The following SULF1 variants were observed in gnomAD, a reference collection of about 807,000 sequenced individuals.
The protein encoded by SULF1 is sulfatase 1, also known as extracellular sulfatase Sulf-1.
SULF1 carries 46 observed loss-of-function variants against 110.5 expected under a neutral mutation model. That is an observed-to-expected ratio of 0.42 (90% CI 0.33 to 0.53). SULF1 has a LOEUF of 0.53. SULF1 is among the 20% of genes least tolerant of loss of function. The pLI, the probability that SULF1 is intolerant of heterozygous loss-of-function variation, is 0.12. For synonymous variants in SULF1, 371 were observed against 387.1 expected, an observed-to-expected ratio of 0.96 and a Z score of 0.49; for missense variants, 941 against 1,094.2, an observed-to-expected ratio of 0.86 and a Z score of 1.98.
intron 1 of SULF1, among the ~76,000 whole-genome samples, chr8:69,479,231 A>T (rs1809420318): frequency 6.6e-6 from 1 of 152,190 alleles, no homozygotes; most frequent in Non-Finnish European, 1.5e-5. Flanking sequence ...TTATCAATTA[A>T]TTTCTCTTGA....
At chr8:69,620,571 C>A (rs1374350489) in intron 13 of SULF1, among the ~76,000 whole-genome samples, 1 of 152,232 alleles carries the variant, frequency 6.6e-6, no homozygotes, top group African/African-American at 2.4e-5. Context: ...TTAAATTCAT[C>A]TCTGTCTTCC....
chr8:69,649,833 AT>A (rs1248694568), intron 22 of SULF1, among the ~76,000 whole-genome samples: 18 of 151,396 alleles, frequency 1.2e-4, no homozygotes, highest in Non-Finnish European at 1.0e-4. Context: ...AGCCACTATA[AT>A]TTTTTTCTTT....
chr8:69,563,827 G>C lies in SULF1; in HGVS notation c.-60-89G>C, dbSNP rs1815677987. ...CTCTGCCAGCTTATGTGCCAATACT[G>C]ACTTATTTGTAGCCCTTTCTCTGCA... On this transcript the variant is annotated intron_variant, in intron 4 of 22. Transcript: ENST00000402687. 3 of 734,192 alleles carry C rather than the reference G, an allele frequency of 4.1e-6. No homozygotes were observed. The South Asian group carries it at 5.6e-5, about 14-fold the overall frequency. The allele number at this position is 734,192 out of a possible 1,614,324, so 45.5% of individuals were successfully genotyped here.
In SULF1 at chr8:69,598,581, G is replaced by A. The variant is rs1221733569; in HGVS notation, c.735-2022G>A. Among the ~76,000 whole-genome samples the A allele has an allele frequency of 5.9e-5, 9 of 152,126 alleles. 1 individual carries two copies. Among genetic ancestry groups the A allele is most frequent in the South Asian group, 2.1e-4 (1 of 4,828 alleles). ...TAATTTTTGTATTTTTAGTAGAGAC[G>A]GGGTTTCCCCATGTTGGCCAGGCTG... is the stretch of plus-strand genomic sequence containing the variant. On this transcript the variant is annotated intron_variant, in intron 8 of 22. Transcript: ENST00000402687.
At chr8:69,630,918 T>C (rs570524595) in intron 19 of SULF1, among the ~76,000 whole-genome samples, 14 of 152,184 alleles carry the variant, frequency 9.2e-5, no homozygotes, top group African/African-American at 2.9e-4. Flanking sequence ...GCTGCACCCA[T>C]TAACTCGTCA....
intron 2 of SULF1, among the ~76,000 whole-genome samples, chr8:69,498,970 C>T (rs1027610873): frequency 6.6e-6 from 1 of 152,160 alleles, no homozygotes; most frequent in Non-Finnish European, 1.5e-5. Flanking sequence ...GCCATCCTCC[C>T]ACCTAAGCCT....
rs541129151 is a variant in SULF1 at position 69,472,415 on chromosome 8, G to A, written c.-391+5465G>A. Among the ~76,000 whole-genome samples, 7 of 152,308 alleles carry A rather than the reference G, an allele frequency of 4.6e-5. No homozygotes were observed. In the South Asian group the frequency reaches 1.2e-3, roughly 27 times the overall value. On this transcript the variant is annotated intron_variant, in intron 1 of 22. Coordinates refer to the SULF1 transcript ENST00000260128. Reference sequence around the variant, plus strand: ...TTAACAAAAAAGCTGAAAGCAATCAGCTTGAGCCCCTTACCATTCCCAAAC... The same window carrying A: ...TTAACAAAAAAGCTGAAAGCAATCAACTTGAGCCCCTTACCATTCCCAAAC...
At chr8:69,573,514 AT>A (rs1490522713) in intron 5 of SULF1, among the ~76,000 whole-genome samples, 1 of 152,186 alleles carries the variant, frequency 6.6e-6, no homozygotes, top group Non-Finnish European at 1.5e-5. Context: ...TTTTATTTGA[AT>A]TCTGCTAAGG....
intron 5 of SULF1, among the ~76,000 whole-genome samples, chr8:69,566,506 A>G (rs1227524555): frequency 6.6e-6 from 1 of 152,176 alleles, no homozygotes; most frequent in African/African-American, 2.4e-5. Context: ...TATTTCCTAC[A>G]TATTTGCCTT....
intron 13 of SULF1, among the ~76,000 whole-genome samples, chr8:69,613,896 C>T (rs1031440740): frequency 2.0e-5 from 3 of 151,842 alleles, no homozygotes; most frequent in Non-Finnish European, 2.9e-5. Context: ...ATTATTTTAT[C>T]GGATGTGGAA....
chr8:69,510,945 TACACACACACAC>T (rs56386460), intron 3 of SULF1, among the ~76,000 whole-genome samples: 16 of 141,144 alleles, frequency 1.1e-4, no homozygotes, highest in Non-Finnish European at 1.5e-4. Context: ...ATATCATCAT[TACACACACACAC>T]ACACACACAC....
chr8:69,532,832 C>T (rs920242918), intron 3 of SULF1, among the ~76,000 whole-genome samples: 1 of 152,344 alleles, frequency 6.6e-6, no homozygotes, highest in African/African-American at 2.4e-5. Flanking sequence ...TCCCATCCTT[C>T]TCTCCCTCCT....
At chr8:69,634,149 C>T (rs1810797817) in intron 19 of SULF1, among the ~76,000 whole-genome samples, 1 of 152,094 alleles carries the variant, frequency 6.6e-6, no homozygotes. Context: ...TTGATCTAAT[C>T]TGGTTCATTC....
At chr8:69,542,708 A>C (rs1296945030) in intron 3 of SULF1, among the ~76,000 whole-genome samples, 1 of 152,216 alleles carries the variant, frequency 6.6e-6, no homozygotes, top group Non-Finnish European at 1.5e-5. Context: ...TCTGAAGTCC[A>C]TTCGTGATTC....
At chr8:69,632,651 C>G (rs1052922011) in intron 19 of SULF1, among the ~76,000 whole-genome samples, 9 of 152,018 alleles carry the variant, frequency 5.9e-5, no homozygotes, top group African/African-American at 2.2e-4. Context: ...ATTATGTACC[C>G]ATATCAATTT....
intron 5 of SULF1, among the ~76,000 whole-genome samples, chr8:69,572,396 A>G (rs1032363315): frequency 6.6e-5 from 10 of 152,190 alleles, no homozygotes; most frequent in Non-Finnish European, 1.5e-4. Context: ...CACCCACCAC[A>G]AAGGATTATT....
intron 3 of SULF1, among the ~76,000 whole-genome samples, chr8:69,555,291 C>A (rs1355081097): frequency 3.3e-5 from 5 of 152,100 alleles, no homozygotes; most frequent in African/African-American, 1.2e-4. Context: ...AACTTGTTTC[C>A]CCACTCTGCT....
chr8:69,477,314 A>G (rs1233350226), intron 1 of SULF1, among the ~76,000 whole-genome samples: 1 of 152,208 alleles, frequency 6.6e-6, no homozygotes, highest in East Asian at 1.9e-4. Context: ...AGCAATTGTT[A>G]TTCTCATTAG....
At chr8:69,529,521 T>A (rs78328420) in intron 3 of SULF1, among the ~76,000 whole-genome samples, 2 of 152,366 alleles carry the variant, frequency 1.3e-5, no homozygotes, top group Non-Finnish European at 2.9e-5. Context: ...TAAACATCAA[T>A]GCTCTTACAC....
Sources: gnomAD v4.1 joint callset for allele counts (sites outside exome capture counted in the v4.1 genomes callset) on GRCh38, gnomAD v4.1.1 for gene constraint, MANE v1.5 for transcripts, NCBI Gene and HGNC (gene_info 2026-07-23, HGNC 2026-07-21) for gene names.